Variants in ARHGAP15 observed in about 807,000 individuals in gnomAD.
ARHGAP15 encodes the protein Rho GTPase activating protein 15.
Under a neutral mutation model 63.7 loss-of-function variants are expected in ARHGAP15, and 51 were observed. The observed-to-expected ratio is 0.80, with a 90% CI of 0.64 to 1.01. The LOEUF (loss-of-function observed/expected upper bound fraction) is 1.01, where lower values mean the gene tolerates loss of function less well. Ranked by LOEUF, ARHGAP15 falls within the 50% of genes least tolerant of loss-of-function variation. The pLI, the probability that ARHGAP15 is intolerant of heterozygous loss-of-function variation, is 0.00. For synonymous variants in ARHGAP15, 191 were observed against 193.8 expected (o/e 0.99, Z 0.12); for missense variants, 560 against 564.6 (o/e 0.99, Z 0.08).
intron 10 of ARHGAP15, among the ~76,000 whole-genome samples, chr2:143,532,156 G>A (rs949353393): frequency 6.6e-6 from 1 of 152,154 alleles, no homozygotes; most frequent in Admixed American, 6.5e-5. Flanking sequence ...GCCTCACATT[G>A]CTTTTCTAGT....
At chr2:143,675,715 C>A (rs550954528) in intron 12 of ARHGAP15, among the ~76,000 whole-genome samples, 1 of 152,142 alleles carries the variant, frequency 6.6e-6, no homozygotes, top group African/African-American at 2.4e-5. Flanking sequence ...GATATGCTGT[C>A]ATCCAGGCTT....
At chr2:143,572,907 G>A (rs1696521318) in intron 11 of ARHGAP15, among the ~76,000 whole-genome samples, 1 of 151,840 alleles carries the variant, frequency 6.6e-6, no homozygotes, top group South Asian at 2.1e-4. Flanking sequence ...CTTTAAAAGT[G>A]GTAAAAGATA....
At chr2:143,420,255 C>T (rs1688861659) in intron 6 of ARHGAP15, among the ~76,000 whole-genome samples, 1 of 151,978 alleles carries the variant, frequency 6.6e-6, no homozygotes, top group Non-Finnish European at 1.5e-5. Context: ...TTTTTTTGAG[C>T]CTGCAAATTT....
intron 13 of ARHGAP15, among the ~76,000 whole-genome samples, chr2:143,763,690 A>C (rs544551793): frequency 6.8e-6 from 1 of 148,006 alleles, no homozygotes; most frequent in Admixed American, 6.9e-5. Context: ...TTGCATATGT[A>C]TATGTATGTG....
chr2:143,332,160 TCAAA>T (rs993986717), intron 6 of ARHGAP15, among the ~76,000 whole-genome samples: 4 of 152,162 alleles, frequency 2.6e-5, no homozygotes, highest in Non-Finnish European at 4.4e-5. Flanking sequence ...TGGTATCAAT[TCAAA>T]CAAAGAAATT....
Position 143,346,176 on chromosome 2 carries a change from T to A in ARHGAP15, c.475-89425T>A, listed in dbSNP as rs189827167. On this transcript the variant is annotated intron_variant, in intron 6 of 13. Transcript: ENST00000295095. ...TGAGCACACACACACACACACACTC[T>A]CTCTCTCACACACACACTCTCTCTC... 8.4e-3 allele frequency among the ~76,000 whole-genome samples: 381 copies of A among 45,520 alleles called. 3 individuals carry two copies. Among genetic ancestry groups the A allele is most frequent in the Non-Finnish European group, 0.01 (265 of 25,400 alleles). The allele number at this position is 45,520 out of a possible 152,430, so 29.9% of individuals were successfully genotyped here. A position where few individuals can be genotyped will look rare whatever the true frequency, so the allele number is the denominator to read the frequency against.
Position 143,202,198 on chromosome 2 carries a change from A to G in ARHGAP15, c.230A>G (p.Gln77Arg). The G allele has an allele frequency of 6.2e-7, 1 of 1,610,296 alleles. No homozygotes were observed. The highest frequency in any genetic ancestry group is 8.5e-7 in the Non-Finnish European group (1 of 1,176,832). Residue 77 changes from glutamine (Q) to arginine (R), a missense_variant, in exon 3 of 14, where the codon CAA becomes CGA. Gln to Arg is a conservative substitution (Grantham distance 43). Coordinates refer to ENST00000295095, the MANE Select transcript of ARHGAP15 (RefSeq NM_018460.4). ...AAAGATGTCATTCCTCCATTGGAAC[A>G]ACTGGTGAGTGTTTAAGTCATTATA... ...ILKDVIPPLE[Q>R]LMVEKEGYLQ...
At chr2:143,721,894 G>A (rs925398801) in intron 13 of ARHGAP15, among the ~76,000 whole-genome samples, 3 of 152,052 alleles carry the variant, frequency 2.0e-5, no homozygotes, top group East Asian at 1.9e-4. Flanking sequence ...ACTGTATTGC[G>A]CAGGCTGTTC....
chr2:143,731,050 T>C (rs996494220), intron 13 of ARHGAP15, among the ~76,000 whole-genome samples: 5 of 151,702 alleles, frequency 3.3e-5, no homozygotes, highest in African/African-American at 1.2e-4. Context: ...TAGTTGACTT[T>C]TATCCTCATT....
At chr2:143,342,849 T>C (rs998383484) in intron 6 of ARHGAP15, among the ~76,000 whole-genome samples, 2 of 152,080 alleles carry the variant, frequency 1.3e-5, no homozygotes, top group African/African-American at 2.4e-5. Flanking sequence ...AACAATAATA[T>C]TGACAATATT....
rs76301690 is a variant in ARHGAP15, at chr2:143,408,751, G to A, written c.475-26850G>A. Reference sequence around the variant, plus strand: ...GATATTTGAAGCATTTGATTAGAATGTATACATATCTAAAACATTCATTTT... The same window carrying A: ...GATATTTGAAGCATTTGATTAGAATATATACATATCTAAAACATTCATTTT... On this transcript the variant is annotated intron_variant, in intron 6 of 13. Coordinates refer to ENST00000295095, the MANE Select transcript of ARHGAP15 (RefSeq NM_018460.4). Among the ~76,000 whole-genome samples, 489 of 151,858 alleles carry A rather than the reference G, an allele frequency of 3.2e-3. 24 individuals carry two copies. The East Asian group carries it at 0.083, about 26-fold the overall frequency.
intron 6 of ARHGAP15, among the ~76,000 whole-genome samples, chr2:143,366,972 T>A (rs1686322081): frequency 1.3e-5 from 2 of 152,232 alleles, no homozygotes; most frequent in African/African-American, 4.8e-5. Context: ...AAGTGTCCTG[T>A]ATCATAATTG....
chr2:143,287,511 A>C (rs1413300955), intron 6 of ARHGAP15, among the ~76,000 whole-genome samples: 4 of 152,084 alleles, frequency 2.6e-5, no homozygotes, highest in African/African-American at 9.7e-5. Context: ...ATCTTGTTTA[A>C]AGAAATGTCT....
chr2:143,461,345 A>G (rs1348430332), intron 8 of ARHGAP15, among the ~76,000 whole-genome samples: 4 of 151,610 alleles, frequency 2.6e-5, no homozygotes, highest in Non-Finnish European at 5.9e-5. Flanking sequence ...ATCCTTAAAC[A>G]ATTTCTTTTG....
chr2:143,359,119 C>T (rs1264108207), intron 6 of ARHGAP15, among the ~76,000 whole-genome samples: 4 of 152,134 alleles, frequency 2.6e-5, no homozygotes, highest in Non-Finnish European at 5.9e-5. Context: ...TGCTACACCA[C>T]AATTTTTTAA....
At chr2:143,134,737 C>A (rs1213855432) in intron 1 of ARHGAP15, among the ~76,000 whole-genome samples, 1 of 150,474 alleles carries the variant, frequency 6.6e-6, no homozygotes, top group Non-Finnish European at 1.5e-5. Context: ...CGGGTTCATG[C>A]CAGTCTCCTG....
chr2:143,616,062 G>A (rs915626306), intron 11 of ARHGAP15, among the ~76,000 whole-genome samples: 8 of 152,014 alleles, frequency 5.3e-5, no homozygotes, highest in African/African-American at 1.7e-4. Flanking sequence ...GTTCATTTTT[G>A]TTGCTGTTGT....
chr2:143,516,723 T>C (rs1259621044), intron 9 of ARHGAP15, among the ~76,000 whole-genome samples: 1 of 152,216 alleles, frequency 6.6e-6, no homozygotes, highest in Non-Finnish European at 1.5e-5. Context: ...AATCATTTGA[T>C]CTGATCTACT....
chr2:143,262,054 T>A (rs868512288), intron 6 of ARHGAP15, among the ~76,000 whole-genome samples: 35 of 152,190 alleles, frequency 2.3e-4, no homozygotes, highest in Admixed American at 4.6e-4. Context: ...TCCTACCCTG[T>A]AGAACCAGGA....
Sources: allele counts gnomAD v4.1 joint callset (sites outside exome capture counted in the v4.1 genomes callset), GRCh38; gene constraint gnomAD v4.1.1; transcripts MANE v1.5; gene names NCBI Gene and HGNC (gene_info 2026-07-23, HGNC 2026-07-21).